Variants in PARN observed in about 807,000 individuals in gnomAD.
The protein encoded by PARN is poly(A)-specific ribonuclease PARN.
A neutral mutation model predicts 102.8 loss-of-function variants in PARN; 71 were observed. That is an observed-to-expected ratio of 0.69 (90% CI 0.57 to 0.84). PARN has a LOEUF of 0.84. PARN is among the 40% of genes least tolerant of loss of function. PARN has a pLI of 0.00. For synonymous variants in PARN, 261 were observed against 252.9 expected, an observed-to-expected ratio of 1.03 and a Z score of -0.30; for missense variants, 782 against 760.9, an observed-to-expected ratio of 1.03 and a Z score of -0.33.
intron 21 of PARN, among the ~76,000 whole-genome samples, chr16:14,527,379 T>C (rs1173203406): frequency 2.0e-5 from 3 of 152,254 alleles, no homozygotes; most frequent in Non-Finnish European, 2.9e-5. Context: ...GCCCAGCTCA[T>C]TGGAACGCTC....
At chr16:14,486,568 G>A (rs1459147407) in intron 21 of PARN, among the ~76,000 whole-genome samples, 5 of 152,218 alleles carry the variant, frequency 3.3e-5, no homozygotes, top group East Asian at 1.9e-4. Context: ...TAACCATGGC[G>A]AGGGGATTTA....
chr16:14,615,788 C>T (rs1287510918), intron 6 of PARN, among the ~76,000 whole-genome samples: 1 of 151,898 alleles, frequency 6.6e-6, no homozygotes, highest in African/African-American at 2.4e-5. Context: ...GTGGTCTCAG[C>T]TACTCGGGAG....
chr16:14,535,693 C>T (rs1966578021), intron 21 of PARN, among the ~76,000 whole-genome samples: 1 of 152,148 alleles, frequency 6.6e-6, no homozygotes. Flanking sequence ...TTGAGAAAAA[C>T]AGAGCACATA....
chr16:14,499,950 A>C (rs1964499689), intron 21 of PARN, among the ~76,000 whole-genome samples: 1 of 152,252 alleles, frequency 6.6e-6, no homozygotes, highest in Non-Finnish European at 1.5e-5. Flanking sequence ...TAAAATTCTC[A>C]ATGACCTGAG....
rs567668730 is a variant in PARN, at chr16:14,538,986, G to A, written c.1480+13035C>T. Among the ~76,000 whole-genome samples, 174 of 152,232 alleles carry A rather than the reference G, an allele frequency of 1.1e-3. 1 individual carries two copies. Among genetic ancestry groups the A allele is most frequent in the African/African-American group, 4.0e-3 (165 of 41,526 alleles). ...TCACTGTCTCCCATCACCCCCAGAT[G>A]GGACTGTCTAGTTGCAGGAAAACAA... is the stretch of plus-strand genomic sequence containing the variant. On this transcript the variant is annotated intron_variant, in intron 21 of 23. Coordinates refer to ENST00000437198, the MANE Select transcript of PARN (RefSeq NM_002582.4).
chr16:14,502,371 C>G (rs1219144136), intron 21 of PARN, among the ~76,000 whole-genome samples: 3 of 152,192 alleles, frequency 2.0e-5, no homozygotes, highest in Non-Finnish European at 4.4e-5. Flanking sequence ...TCTAGGACAT[C>G]AGAGGAAGAC....
At chr16:14,555,518 C>A in intron 19 of PARN, 136 bp downstream of exon 19, 1 of 456,690 alleles carries the variant, frequency 2.2e-6, no homozygotes. Flanking sequence ...CTTAAGCATA[C>A]TATTCATATC....
At chr16:14,498,104 T>A (rs926254414) in intron 21 of PARN, among the ~76,000 whole-genome samples, 17 of 122,910 alleles carry the variant, frequency 1.4e-4, no homozygotes, top group Admixed American at 4.3e-4. Flanking sequence ...AGCCTGGCAA[T>A]AGAGAGAGAC....
chr16:14,562,902 T>G (rs181273521), intron 18 of PARN, among the ~76,000 whole-genome samples: 2 of 152,374 alleles, frequency 1.3e-5, no homozygotes, highest in Non-Finnish European at 2.9e-5. Flanking sequence ...AAGGTTATTC[T>G]ATGATGACAC....
intron 18 of PARN, among the ~76,000 whole-genome samples, chr16:14,577,152 T>G (rs1485146596): frequency 6.6e-6 from 1 of 152,210 alleles, no homozygotes; most frequent in Non-Finnish European, 1.5e-5. Context: ...AGTATGCATG[T>G]TTGGTAAAGG....
At chr16:14,625,266 GC>G (rs1278830641) in intron 5 of PARN, among the ~76,000 whole-genome samples, 1 of 152,020 alleles carries the variant, frequency 6.6e-6, no homozygotes, top group Admixed American at 6.5e-5. Flanking sequence ...GGGAGGCCAA[GC>G]CGGGCAGATC....
At chr16:14,579,691 TTAGC>T (rs1969383158) in intron 18 of PARN, among the ~76,000 whole-genome samples, 1 of 152,124 alleles carries the variant, frequency 6.6e-6, no homozygotes, top group Non-Finnish European at 1.5e-5. Flanking sequence ...GGACCTATAT[TTAGC>T]TGGCCACGGT....
At chr16:14,496,616 T>C (rs993048167) in intron 21 of PARN, among the ~76,000 whole-genome samples, 1 of 152,124 alleles carries the variant, frequency 6.6e-6, no homozygotes, top group Non-Finnish European at 1.5e-5. Context: ...ACAAGAATAA[T>C]TTAAGGTAAA....
At chr16:14,473,123 G>T (rs1417093188) in intron 22 of PARN, among the ~76,000 whole-genome samples, 2 of 152,132 alleles carry the variant, frequency 1.3e-5, no homozygotes, top group Non-Finnish European at 2.9e-5. Flanking sequence ...TTCAAAGTTG[G>T]TAAGTCAAGA....
At chr16:14,502,341 G>C (rs1964667958) in intron 21 of PARN, among the ~76,000 whole-genome samples, 1 of 152,216 alleles carries the variant, frequency 6.6e-6, no homozygotes, top group African/African-American at 2.4e-5. Flanking sequence ...TCCAGGGTCA[G>C]AACACACTAC....
At chr16:14,553,086 A>T (rs1436941180) in intron 20 of PARN, among the ~76,000 whole-genome samples, 1 of 151,868 alleles carries the variant, frequency 6.6e-6, no homozygotes, top group Non-Finnish European at 1.5e-5. Flanking sequence ...CTGCTGTGAA[A>T]GTCTACTATT....
intron 16 of PARN, among the ~76,000 whole-genome samples, 167 bp downstream of exon 16, chr16:14,584,180 C>T (rs1021488422): frequency 6.6e-6 from 1 of 152,066 alleles, no homozygotes; most frequent in East Asian, 1.9e-4. Context: ...ATTAAAAGAC[C>T]ATCTTTATTC....
chr16:14,505,447 T>A (rs1212336827), intron 21 of PARN, among the ~76,000 whole-genome samples: 1 of 152,032 alleles, frequency 6.6e-6, no homozygotes, highest in Non-Finnish European at 1.5e-5. Flanking sequence ...CACCTGTGAA[T>A]ACTGGGTAAC....
chr16:14,552,855 G>A (rs1967403127), intron 20 of PARN, among the ~76,000 whole-genome samples: 2 of 152,050 alleles, frequency 1.3e-5, no homozygotes, highest in African/African-American at 4.8e-5. Context: ...GGCTGAGGCA[G>A]GAGAATGGCT....
Sources: gnomAD v4.1 joint callset for allele counts (sites outside exome capture counted in the v4.1 genomes callset) on GRCh38, gnomAD v4.1.1 for gene constraint, MANE v1.5 for transcripts, NCBI Gene and HGNC (gene_info 2026-07-23, HGNC 2026-07-21) for gene names.